NEGR1: variants seen among roughly 807,000 people sequenced by gnomAD.
NEGR1 encodes IgLON family member 4.
Under a neutral mutation model 40.9 loss-of-function variants are expected in NEGR1, and 10 were observed. That is an observed-to-expected ratio of 0.24 (90% CI 0.15 to 0.42). NEGR1 has a LOEUF of 0.42. Ranked by LOEUF, NEGR1 falls within the 10% of genes least tolerant of loss-of-function variation. The pLI is 1.00. For missense variants in NEGR1, 352 were observed against 438.9 expected, an observed-to-expected ratio of 0.80 and a Z score of 1.77; for synonymous variants, 185 against 166.8, an observed-to-expected ratio of 1.11 and a Z score of -0.84.
At chr1:72,004,220 A>G (rs1646582729) in intron 1 of NEGR1, among the ~76,000 whole-genome samples, 1 of 152,134 alleles carries the variant, frequency 6.6e-6, no homozygotes, top group South Asian at 2.1e-4. Context: ...GTACATATAT[A>G]TATATTTGTT....
intron 1 of NEGR1, among the ~76,000 whole-genome samples, chr1:72,142,413 C>T (rs564439559): frequency 6.6e-6 from 1 of 151,880 alleles, no homozygotes; most frequent in African/African-American, 2.4e-5. Flanking sequence ...GCTACCAAAA[C>T]ATTTGTCCTA....
chr1:71,756,408 AAAC>A (rs373716719), intron 3 of NEGR1, among the ~76,000 whole-genome samples: 1,465 of 115,426 alleles, frequency 0.013, 32 homozygotes, highest in East Asian at 0.057. Flanking sequence ...AAACAAAAAC[AAAC>A]AAAAAAAAAA....
intron 3 of NEGR1, among the ~76,000 whole-genome samples, chr1:71,701,815 A>C (rs1386291343): frequency 1.3e-5 from 2 of 152,108 alleles, no homozygotes; most frequent in Non-Finnish European, 1.5e-5. Flanking sequence ...TAAATTGCTG[A>C]AGTTATTAAT....
chr1:71,714,658 A>C (rs1160230895), intron 3 of NEGR1, among the ~76,000 whole-genome samples: 1 of 152,226 alleles, frequency 6.6e-6, no homozygotes, highest in African/African-American at 2.4e-5. Context: ...TAGGGCAGTC[A>C]TTAAACCTTA....
chr1:71,629,710 C>A (rs564856682), intron 4 of NEGR1, among the ~76,000 whole-genome samples: 3 of 151,866 alleles, frequency 2.0e-5, no homozygotes, highest in Non-Finnish European at 1.5e-5. Flanking sequence ...GTGTAGAAAA[C>A]CCAGTCATCT....
intron 1 of NEGR1, among the ~76,000 whole-genome samples, chr1:72,062,821 C>T (rs1396205353): frequency 6.6e-6 from 1 of 151,914 alleles, no homozygotes; most frequent in Non-Finnish European, 1.5e-5. Flanking sequence ...GATAGCTTGT[C>T]TTGCAAAGGA....
chr1:72,064,828 G>C (rs1180839886), intron 1 of NEGR1, among the ~76,000 whole-genome samples: 2 of 152,042 alleles, frequency 1.3e-5, no homozygotes, highest in African/African-American at 4.8e-5. Context: ...CCTTGAGATA[G>C]AGGAAGTACT....
intron 6 of NEGR1, among the ~76,000 whole-genome samples, chr1:71,482,977 A>T (rs1242059284): frequency 6.6e-6 from 1 of 151,818 alleles, no homozygotes; most frequent in Non-Finnish European, 1.5e-5. Context: ...TTAATCATTA[A>T]TCAGGGATGG....
chr1:71,458,717 C>T (rs115693702), intron 6 of NEGR1, among the ~76,000 whole-genome samples: 2,083 of 152,296 alleles, frequency 0.014, 42 homozygotes, highest in African/African-American at 0.048. Context: ...ATTAAGGAAT[C>T]TGACTTCTTC....
chr1:71,914,964 G>A (rs1405705996), intron 2 of NEGR1, among the ~76,000 whole-genome samples: 61 of 152,062 alleles, frequency 4.0e-4, no homozygotes, highest in South Asian at 8.3e-4. Flanking sequence ...ATTGCTAATG[G>A]CCATCATTTT....
rs148583782 is a variant in NEGR1, at chr1:71,804,651, C to T, written c.410-28354G>A. Among the ~76,000 whole-genome samples, 301 of 152,266 alleles carry T rather than the reference C, an allele frequency of 2.0e-3. 1 individual carries two copies. The highest frequency in any genetic ancestry group is 7.0e-3 in the African/African-American group (291 of 41,540). On this transcript the variant is annotated intron_variant, in intron 2 of 6. Transcript: ENST00000357731. ...CACTTATCACTTCCCCAGTCAATAC[C>T]CTTGTGATTTCCTATGCCTGTCTTT... is the stretch of plus-strand genomic sequence containing the variant.
intron 1 of NEGR1, among the ~76,000 whole-genome samples, chr1:72,014,339 GGTAA>G (rs1487269676): frequency 6.7e-6 from 1 of 149,760 alleles, no homozygotes; most frequent in Non-Finnish European, 1.5e-5. Context: ...TCACATAAGT[GGTAA>G]GTGATATTGA....
chr1:71,880,542 T>C (rs1660555360), intron 2 of NEGR1, among the ~76,000 whole-genome samples: 1 of 152,096 alleles, frequency 6.6e-6, no homozygotes, highest in South Asian at 2.1e-4. Flanking sequence ...ATTTTCTTTT[T>C]GGAAACATTT....
chr1:72,124,366 C>T (rs1293737449), intron 1 of NEGR1, among the ~76,000 whole-genome samples: 1 of 151,730 alleles, frequency 6.6e-6, no homozygotes, highest in Non-Finnish European at 1.5e-5. Context: ...GGAAAAATCC[C>T]TAGAGTTAAA....
chr1:71,939,696 C>T (rs1237602151), intron 1 of NEGR1, among the ~76,000 whole-genome samples: 1 of 151,900 alleles, frequency 6.6e-6, no homozygotes, highest in Non-Finnish European at 1.5e-5. Flanking sequence ...CAGGGGTGGG[C>T]AGAGTGCCGG....
At chr1:71,653,738 G>A (rs1484325695) in intron 4 of NEGR1, among the ~76,000 whole-genome samples, 1 of 145,994 alleles carries the variant, frequency 6.8e-6, no homozygotes, top group African/African-American at 2.6e-5. Context: ...GCATGCCCAG[G>A]TACCGTGCTA....
rs1646255846 is a variant in NEGR1, at chr1:71,402,968, C to T, written c.*4478G>A. The T allele has an allele frequency of 1.3e-5, 2 of 152,062 alleles. No individual in the cohort carries two copies. Among genetic ancestry groups the T allele is most frequent in the Non-Finnish European group, 2.9e-5 (2 of 67,960 alleles). 9.4% of individuals were successfully genotyped at this position (152,062 alleles called of 1,614,324 possible). A position where few individuals can be genotyped will look rare whatever the true frequency, so the allele number is the denominator to read the frequency against. On this transcript the variant is annotated 3_prime_UTR_variant, in exon 7 of 7. Coordinates refer to ENST00000357731, the MANE Select transcript of NEGR1 (RefSeq NM_173808.3). ...GGGGGAAATCAGACATTTATTAGAA[C>T]ATTTCCAGTTTTTTTGTGGAGGGAG...
At chr1:71,803,286 G>A (rs1374064780) in intron 2 of NEGR1, among the ~76,000 whole-genome samples, 1 of 152,060 alleles carries the variant, frequency 6.6e-6, no homozygotes, top group African/African-American at 2.4e-5. Flanking sequence ...GGCTATATAT[G>A]AGTCAGGAAG....
intron 6 of NEGR1, among the ~76,000 whole-genome samples, chr1:71,408,093 AC>A (rs1246212263): frequency 2.6e-5 from 4 of 152,042 alleles, no homozygotes; most frequent in African/African-American, 9.7e-5. Flanking sequence ...GCATGTGCAT[AC>A]CCAGTAACAC....
Sources: gnomAD v4.1 joint callset for allele counts (sites outside exome capture counted in the v4.1 genomes callset) on GRCh38, gnomAD v4.1.1 for gene constraint, MANE v1.5 for transcripts, NCBI Gene and HGNC (gene_info 2026-07-23, HGNC 2026-07-21) for gene names.